The following LRRC4C variants were observed in gnomAD, a reference collection of about 807,000 sequenced individuals.
The protein encoded by LRRC4C is leucine-rich repeat-containing protein 4C.
LRRC4C carries 5 observed loss-of-function variants against 33.6 expected under a neutral mutation model. The observed-to-expected ratio is 0.15, with a 90% CI of 0.08 to 0.31. The LOEUF (loss-of-function observed/expected upper bound fraction) is 0.31, where lower values mean the gene tolerates loss of function less well. LRRC4C is among the 10% of genes least tolerant of loss of function. The probability of loss-of-function intolerance (pLI) is 1.00; values close to 1 mark genes in which losing one functional copy is unlikely to be tolerated. For synonymous variants in LRRC4C, 329 were observed against 302.0 expected, an observed-to-expected ratio of 1.09 and a Z score of -0.93; for missense variants, 560 against 796.7, an observed-to-expected ratio of 0.70 and a Z score of 3.58.
At chr11:40,216,530 A>G (rs1350578808) in intron 5 of LRRC4C, among the ~76,000 whole-genome samples, 10 of 152,146 alleles carry the variant, frequency 6.6e-5, no homozygotes, top group Admixed American at 6.6e-4. Context: ...GGCCAAATGA[A>G]TCATTTGATA....
chr11:40,612,552 C>A (rs1240500637), intron 3 of LRRC4C, among the ~76,000 whole-genome samples: 1 of 151,816 alleles, frequency 6.6e-6, no homozygotes, highest in Non-Finnish European at 1.5e-5. Flanking sequence ...TTTTTACCAT[C>A]ATTTCAAAAA....
At chr11:40,495,646 C>T (rs762386311) in intron 3 of LRRC4C, among the ~76,000 whole-genome samples, 42 of 151,696 alleles carry the variant, frequency 2.8e-4, no homozygotes, top group Non-Finnish European at 5.0e-4. Flanking sequence ...GACTTTCTAC[C>T]AGTAATCTTT....
At chr11:40,852,782 G>T (rs927824036) in intron 2 of LRRC4C, among the ~76,000 whole-genome samples, 1 of 152,080 alleles carries the variant, frequency 6.6e-6, no homozygotes, top group Non-Finnish European at 1.5e-5. Flanking sequence ...CTTTAACCTG[G>T]CATCTTCAGG....
intron 2 of LRRC4C, among the ~76,000 whole-genome samples, chr11:40,705,218 T>G (rs2136523018): frequency 6.6e-6 from 1 of 152,248 alleles, no homozygotes; most frequent in East Asian, 1.9e-4. Flanking sequence ...AGTTTTTTTA[T>G]TATTATACTT....
chr11:40,280,376 T>C (rs576717239), intron 4 of LRRC4C, among the ~76,000 whole-genome samples: 1 of 152,354 alleles, frequency 6.6e-6, no homozygotes, highest in South Asian at 2.1e-4. Context: ...AAGGCTCTAA[T>C]GAGACCCATT....
intron 3 of LRRC4C, among the ~76,000 whole-genome samples, chr11:40,537,357 G>A (rs11035903): frequency 0.088 from 13,374 of 152,158 alleles, 1,669 homozygotes; most frequent in African/African-American, 0.28. Context: ...GTAAAGAAAC[G>A]GGGAGAGGCT....
At chr11:40,382,842 C>T (rs1321547001) in intron 3 of LRRC4C, among the ~76,000 whole-genome samples, 3 of 151,752 alleles carry the variant, frequency 2.0e-5, no homozygotes, top group Non-Finnish European at 2.9e-5. Context: ...TACAGGCACC[C>T]GCCACCATGC....
At chr11:40,426,612 A>G (rs1950725744) in intron 3 of LRRC4C, among the ~76,000 whole-genome samples, 1 of 152,066 alleles carries the variant, frequency 6.6e-6, no homozygotes, top group African/African-American at 2.4e-5. Context: ...GATACTATAT[A>G]CTTTATTTAT....
intron 1 of LRRC4C, among the ~76,000 whole-genome samples, chr11:41,014,859 G>A (rs1419712924): frequency 1.3e-5 from 2 of 151,936 alleles, no homozygotes; most frequent in Non-Finnish European, 2.9e-5. Context: ...TAAAAAGATC[G>A]TTTTCATTTT....
At chr11:40,382,683 C>CTTT (rs1590541837) in intron 3 of LRRC4C, among the ~76,000 whole-genome samples, 5 of 113,296 alleles carry the variant, frequency 4.4e-5, no homozygotes, top group African/African-American at 1.5e-4. Flanking sequence ...AACTTGTACT[C>CTTT]ATTTTTTTTT....
intron 3 of LRRC4C, among the ~76,000 whole-genome samples, chr11:40,414,273 T>C (rs1380895080): frequency 1.3e-5 from 2 of 152,122 alleles, no homozygotes; most frequent in Admixed American, 6.6e-5. Context: ...GAATAACTTC[T>C]GCAAGGAAGG....
chr11:40,900,991 T>C (rs568725290), intron 2 of LRRC4C, among the ~76,000 whole-genome samples: 4 of 152,240 alleles, frequency 2.6e-5, no homozygotes, highest in Non-Finnish European at 5.9e-5. Context: ...GAAGGTTTTA[T>C]GGAATTCCCT....
intron 3 of LRRC4C, among the ~76,000 whole-genome samples, chr11:40,577,902 CT>C (rs1023945463): frequency 7.4e-5 from 10 of 135,702 alleles, no homozygotes; most frequent in African/African-American, 2.8e-4. Context: ...GTGGTGCGAT[CT>C]TGGCTCACTG....
chr11:40,985,368 G>A (rs995993889), intron 1 of LRRC4C, among the ~76,000 whole-genome samples: 15 of 139,270 alleles, frequency 1.1e-4, no homozygotes, highest in Admixed American at 9.9e-4. Flanking sequence ...TCAGTTAATA[G>A]GGGGGGAAAA....
chr11:40,500,986 G>A (rs564966905), intron 3 of LRRC4C, among the ~76,000 whole-genome samples: 13 of 152,274 alleles, frequency 8.5e-5, no homozygotes, highest in Admixed American at 3.9e-4. Flanking sequence ...CAGGCATTGG[G>A]TAAATACAGC....
intron 3 of LRRC4C, among the ~76,000 whole-genome samples, chr11:40,375,042 T>TA (rs1327549770): frequency 6.6e-6 from 1 of 152,180 alleles, no homozygotes; most frequent in Non-Finnish European, 1.5e-5. Flanking sequence ...TTGAGATTCC[T>TA]AAGATATCAT....
rs147128010 is a variant in LRRC4C at position 41,172,782 on chromosome 11, T to A, written c.-495-239059A>T. On this transcript the variant is annotated intron_variant, in intron 1 of 6. Coordinates refer to ENST00000528697, the MANE Select transcript of LRRC4C (RefSeq NM_001258419.2). ...TAAGTATTTTTAAAACTTGACTGAA[T>A]AAGTGATTAATGCAATTGATAGTTT... Among the ~76,000 whole-genome samples, 947 of 152,280 alleles carry A rather than the reference T, an allele frequency of 6.2e-3. 15 individuals carry two copies. Among genetic ancestry groups the A allele is most frequent in the African/African-American group, 0.022 (898 of 41,574 alleles).
chr11:40,782,940 T>G (rs981364157), intron 2 of LRRC4C, among the ~76,000 whole-genome samples: 7 of 152,132 alleles, frequency 4.6e-5, no homozygotes, highest in African/African-American at 1.7e-4. Flanking sequence ...GTGTGTGTAT[T>G]TTATATATAT....
intron 1 of LRRC4C, among the ~76,000 whole-genome samples, chr11:41,163,832 G>A (rs886914952): frequency 4.0e-5 from 6 of 151,676 alleles, no homozygotes; most frequent in East Asian, 1.9e-4. Flanking sequence ...GGCTGGTCTC[G>A]AACTCCTGAC....
Sources: allele counts gnomAD v4.1 joint callset (sites outside exome capture counted in the v4.1 genomes callset), GRCh38; gene constraint gnomAD v4.1.1; transcripts MANE v1.5; gene names NCBI Gene and HGNC (gene_info 2026-07-23, HGNC 2026-07-21).